Variants in KATNB1 observed in about 807,000 individuals in gnomAD.
KATNB1 encodes katanin p80 WD40 repeat-containing subunit B1.
KATNB1 carries 38 observed loss-of-function variants against 82.3 expected under a neutral mutation model. The ratio of observed to expected loss-of-function variants is 0.46; its 90% CI spans 0.36 to 0.61. The LOEUF is 0.61. KATNB1 is among the 20% of genes least tolerant of loss of function. The pLI is 0.00. For synonymous variants in KATNB1, 361 were observed against 368.7 expected (o/e 0.98, Z 0.24); for missense variants, 749 against 915.7 (o/e 0.82, Z 2.35).
intron 16 of KATNB1, 108 bp from the exon 17 acceptor site, chr16:57,755,733 C>A: frequency 9.0e-7 from 1 of 1,117,294 alleles, no homozygotes; most frequent in East Asian, 2.5e-5. Flanking sequence ...GCTGAATACC[C>A]ACAGCCCCAT....
chr16:57,746,165 T>G (rs2049182660), intron 4 of KATNB1, among the ~76,000 whole-genome samples: 1 of 152,236 alleles, frequency 6.6e-6, no homozygotes, highest in African/African-American at 2.4e-5. Context: ...CATTTGCTTT[T>G]GTGTTTGTTT....
chr16:57,751,813 G>C lies in KATNB1; in HGVS notation c.516+89G>C. 1 of 1,427,682 alleles carries C rather than the reference G, an allele frequency of 7.0e-7. No individual in the cohort carries two copies. Among genetic ancestry groups the C allele is most frequent in the South Asian group, 1.2e-5 (1 of 86,902 alleles). 88.4% of individuals were successfully genotyped at this position (1,427,682 alleles called of 1,614,324 possible). On this transcript the variant is annotated intron_variant, in intron 7 of 19. Transcript: ENST00000379661. The surrounding 1 kb of genome is among the most constrained non-coding windows in gnomAD (Gnocchi z 6.3). ...GAGTCCTCACCTCCCTCCTGATCGG[G>C]CTCACATGTCCCAAGCCTATCCCGA...
At chr16:57,738,534 G>C (rs1387019518) in intron 2 of KATNB1, among the ~76,000 whole-genome samples, 3 of 152,140 alleles carry the variant, frequency 2.0e-5, no homozygotes, top group African/African-American at 7.2e-5. Flanking sequence ...GGGATGACAG[G>C]CATGAGCCAC....
intron 2 of KATNB1, among the ~76,000 whole-genome samples, chr16:57,740,078 A>T (rs1337637490): frequency 6.6e-6 from 1 of 152,062 alleles, no homozygotes; most frequent in Non-Finnish European, 1.5e-5. Context: ...TCAGGTGGAA[A>T]CCTTGAACAG....
intron 4 of KATNB1, among the ~76,000 whole-genome samples, chr16:57,745,345 CCT>C (rs2049175699): frequency 1.0e-5 from 1 of 100,032 alleles, no homozygotes; most frequent in Non-Finnish European, 2.1e-5. Context: ...GAAACCCCAT[CCT>C]GAGGTTGGGA....
At chr16:57,752,080 T>A in intron 8 of KATNB1, 25 bp downstream of exon 8, 1 of 1,421,910 alleles carries the variant, frequency 7.0e-7, no homozygotes, top group Non-Finnish European at 9.9e-7. Context: ...CGAGGCGAGT[T>A]GCTTGTGACT....
intron 4 of KATNB1, among the ~76,000 whole-genome samples, chr16:57,746,056 G>T (rs2049182086): frequency 6.6e-6 from 1 of 152,098 alleles, no homozygotes; most frequent in Non-Finnish European, 1.5e-5. Flanking sequence ...CCCTCTTTTT[G>T]ATGGAGCACA....
At chr16:57,737,329 C>T (rs748281589) in intron 2 of KATNB1, 46 bp downstream of exon 2, 29 of 1,608,944 alleles carry the variant, frequency 1.8e-5, no homozygotes, top group African/African-American at 8.0e-5. Flanking sequence ...ATTCTGTTAG[C>T]GGCTTGTTGC....
chr16:57,755,569 G>T (rs1369551889), intron 16 of KATNB1, 75 bp downstream of exon 16: 2 of 1,555,782 alleles, frequency 1.3e-6, no homozygotes, highest in Non-Finnish European at 1.7e-6. Context: ...GCTTGGGGCA[G>T]AACAAGAAGA....
Position 57,755,116 on chromosome 16 carries a change from C to A in KATNB1, c.1297-3C>A. On this transcript the variant is annotated splice_polypyrimidine_tract_variant and splice_region_variant and intron_variant, in intron 14 of 19. Coordinates refer to ENST00000379661, the MANE Select transcript of KATNB1 (RefSeq NM_005886.3). ...CGGCAACCGCTGAGTTTCACACTTTCAGCTGGAGGTCCTGCCCCGGCCCCC... is the reference window on the plus strand; with the variant it reads ...CGGCAACCGCTGAGTTTCACACTTTAAGCTGGAGGTCCTGCCCCGGCCCCC... The A allele has an allele frequency of 2.5e-6, 4 of 1,612,996 alleles. No homozygotes were observed. The highest frequency in any genetic ancestry group is 3.4e-6 in the Non-Finnish European group (4 of 1,179,876).
At chr16:57,756,494 G>A (rs1183865674) in intron 19 of KATNB1, 22 bp downstream of exon 19, 2 of 1,589,720 alleles carry the variant, frequency 1.3e-6, no homozygotes, top group African/African-American at 2.7e-5. Flanking sequence ...GCATGTGTTG[G>A]GGGCAGGGGT....
intron 19 of KATNB1, 80 bp from the exon 20 acceptor site, chr16:57,756,734 G>A (rs1045997139): frequency 2.0e-6 from 3 of 1,465,296 alleles, no homozygotes. Context: ...GGCTGGAGCA[G>A]TTAGGACAGC....
chr16:57,755,357 C>T lies in KATNB1; in HGVS notation c.1429C>T (p.Pro477Ser), dbSNP rs139943151. The change falls in exon 16 of 20, where the codon CCC (proline) becomes TCC (serine). Residue 477 changes from proline (P) to serine (S), a missense_variant. By Grantham distance (74) the Pro-to-Ser change is moderately conservative (BLOSUM62 -1). This residue lies in a region of KATNB1 where 407 missense variants were observed against 434.7 expected (regional missense o/e 0.94). Coordinates refer to ENST00000379661, the MANE Select transcript of KATNB1 (RefSeq NM_005886.3). ...CCATCCCACGCAGGCCGTGAAGATC[C>T]CCCAGCAGGCCGAGCTGGTGGACGA... The part of the protein sequence containing the change: ...ASDFLPAVKI[P>S]QQAELVDEDA... 8.4e-5 allele frequency: 136 copies of T among 1,613,116 alleles called. No individual in the cohort carries two copies. Among genetic ancestry groups the T allele is most frequent in the Non-Finnish European group, 1.1e-4 (130 of 1,180,008 alleles).
At chr16:57,752,732 C>A in intron 9 of KATNB1, 46 bp from the exon 10 acceptor site, 1 of 1,593,694 alleles carries the variant, frequency 6.3e-7, no homozygotes. Flanking sequence ...GGGTGGGGAC[C>A]AGGCTGGGTG....
At chr16:57,738,823 G>T (rs1267827365) in intron 2 of KATNB1, among the ~76,000 whole-genome samples, 2 of 152,176 alleles carry the variant, frequency 1.3e-5, no homozygotes, top group Non-Finnish European at 2.9e-5. Context: ...GCCACTGGGG[G>T]ACAAAGTAGT....
Position 57,753,252 on chromosome 16 carries a change from G to T in KATNB1, c.1031G>T (p.Cys344Phe), listed in dbSNP as rs782522839. The change falls in exon 11 of 20, where the codon TGC (cysteine) becomes TTC (phenylalanine). Residue 344 changes from cysteine to phenylalanine, a missense_variant. Cys to Phe is a radical substitution (Grantham distance 205). This residue lies in a region of KATNB1 where 407 missense variants were observed against 434.7 expected (regional missense o/e 0.94). Transcript: ENST00000379661. The part of the protein sequence containing the change: ...RRIYERPSTT[C>F]SKPQRVKQNS... ...ATCTATGAGCGGCCCAGCACAACCT[G>T]CAGCAAGCCTCAGAGGTGAGGGCCT... is the stretch of plus-strand genomic sequence containing the variant. 3 of 1,600,016 alleles carry T rather than the reference G, an allele frequency of 1.9e-6. No homozygotes were observed. The South Asian group carries it at 3.3e-5, about 18-fold the overall frequency.
At position 57,756,385 on chromosome 16, in the gene KATNB1, A is replaced by G. The variant is rs782308125; in HGVS notation, c.1748A>G (p.Lys583Arg). 4 of 1,613,848 alleles carry G rather than the reference A, an allele frequency of 2.5e-6. No individual in the cohort carries two copies. In the African/African-American group the frequency reaches 4.0e-5, roughly 16 times the overall value. The change falls in exon 19 of 20, where the codon AAG becomes AGG. Residue 583 changes from lysine to arginine, a missense_variant. Physicochemically the swap from Lys to Arg is conservative, Grantham distance 26. Coordinates refer to ENST00000379661, the MANE Select transcript of KATNB1 (RefSeq NM_005886.3). ...GTCCAGACGGGCTGCACCTCCCTGA[A>G]GCTGATCCTGCAGCGGTTTCTGCCC... is the stretch of plus-strand genomic sequence containing the variant. ...SYVQTGCTSL[K>R]LILQRFLPLI... is the part of the protein sequence containing the mutation.
In KATNB1 at chr16:57,735,863, G is replaced by GGGCAAGGGGACGAGGT. The variant is rs1229303932; in HGVS notation, c.-267+12_-267+27dup. 2.6e-5 allele frequency: 4 copies of GGGCAAGGGGACGAGGT among 152,764 alleles called. No homozygotes were observed. The highest frequency in any genetic ancestry group is 7.2e-5 in the African/African-American group (3 of 41,466). 9.5% of individuals were successfully genotyped at this position (152,764 alleles called of 1,614,324 possible). On this transcript the variant is annotated intron_variant, in intron 1 of 19. Coordinates refer to ENST00000379661, the MANE Select transcript of KATNB1 (RefSeq NM_005886.3). Reference sequence around the variant, plus strand: ...CCGGAGCCGCAGCTGCAGGTGGAGTGGGCAAGGGGACGAGGTGGCGAGGGG... The same window carrying GGGCAAGGGGACGAGGT: ...CCGGAGCCGCAGCTGCAGGTGGAGTGGGCAAGGGGACGAGGTGGCAAGGGGACGAGGTGGCGAGGGG...
At chr16:57,741,851 AGGGCCTG>A (rs1555579735) in intron 3 of KATNB1, 34 bp downstream of exon 3, 2 of 1,601,996 alleles carry the variant, frequency 1.2e-6, no homozygotes, top group African/African-American at 2.7e-5. Flanking sequence ...GGTCAGGACA[AGGGCCTG>A]GGGAGGGGAC....
Sources: allele counts gnomAD v4.1 joint callset (sites outside exome capture counted in the v4.1 genomes callset), GRCh38; gene constraint gnomAD v4.1.1; regional missense constraint gnomAD v4.1.1; non-coding constraint Gnocchi (gnomAD v3.1); transcripts MANE v1.5; gene names NCBI Gene and HGNC (gene_info 2026-07-23, HGNC 2026-07-21).